Variants in WDFY3 observed in about 807,000 individuals in gnomAD.
WDFY3 encodes the protein WD repeat and FYVE domain-containing protein 3.
WDFY3 carries 66 observed loss-of-function variants against 409.6 expected under a neutral mutation model. The observed-to-expected ratio is 0.16, with a 90% CI of 0.13 to 0.20. The LOEUF (loss-of-function observed/expected upper bound fraction) is 0.20, where lower values mean the gene tolerates loss of function less well. Among genes scored for constraint, WDFY3 ranks in the 10% least tolerant of loss-of-function variants. The probability of loss-of-function intolerance (pLI) is 1.00; values close to 1 mark genes in which losing one functional copy is unlikely to be tolerated. For synonymous variants in WDFY3, 1,521 were observed against 1,537.1 expected, an observed-to-expected ratio of 0.99 and a Z score of 0.25; for missense variants, 3,031 against 4,298.1, an observed-to-expected ratio of 0.71 and a Z score of 8.24.
At chr4:84,715,631 C>T (rs541439926) in intron 49 of WDFY3, among the ~76,000 whole-genome samples, 3 of 151,554 alleles carry the variant, frequency 2.0e-5, no homozygotes, top group African/African-American at 4.8e-5. Context: ...AAAAATTAGC[C>T]GGCCTTGGTG....
intron 64 of WDFY3, among the ~76,000 whole-genome samples, chr4:84,680,206 C>T (rs1216093085): frequency 6.6e-6 from 1 of 152,086 alleles, no homozygotes; most frequent in Non-Finnish European, 1.5e-5. Flanking sequence ...GATATTCTTT[C>T]TACAAGATGG....
intron 17 of WDFY3, among the ~76,000 whole-genome samples, chr4:84,800,390 C>T (rs747519569): frequency 3.3e-5 from 5 of 152,132 alleles, no homozygotes; most frequent in Non-Finnish European, 7.4e-5. Context: ...AAGCAGGAGG[C>T]TTCCTGGAGG....
chr4:84,821,313 G>T lies in WDFY3; in HGVS notation c.1362C>A (p.Ser454Arg). ...GTTCTTTACAAGGTATATAATTTAA[G>T]CTAAAAACAACAAACTCCAGCATCT... is the stretch of plus-strand genomic sequence containing the variant. ...YFEMLEFVVF[S>R]LNYIPCKELI... Residue 454 changes from serine (S) to arginine (R), a missense_variant, in exon 11 of 68, where the codon AGC becomes AGA. Coordinates refer to ENST00000295888, the MANE Select transcript of WDFY3 (RefSeq NM_014991.6). 6.2e-7 allele frequency: 1 copy of T among 1,613,676 alleles called. No individual in the cohort carries two copies. The highest frequency in any genetic ancestry group is 1.7e-4 in the Middle Eastern group (1 of 6,058).
intron 1 of WDFY3, among the ~76,000 whole-genome samples, chr4:84,945,383 A>G (rs908196419): frequency 2.0e-5 from 3 of 152,218 alleles, no homozygotes; most frequent in African/African-American, 7.2e-5. Flanking sequence ...GCTTTTCACT[A>G]TAAGAAACAC....
At chr4:84,737,491 A>C in intron 40 of WDFY3, 125 bp from the exon 41 acceptor site, 1 of 1,154,100 alleles carries the variant, frequency 8.7e-7, no homozygotes, top group Non-Finnish European at 1.1e-6. Context: ...AATGTAAAAA[A>C]AACAAAGCTC....
chr4:84,778,718 CAA>C lies in WDFY3; in HGVS notation c.4366-65_4366-64del. 6.0e-6 allele frequency: 9 copies of C among 1,509,228 alleles called. No individual in the cohort carries two copies. In the African/African-American group the frequency reaches 6.9e-5, roughly 12 times the overall value. The allele number at this position is 1,509,228 out of a possible 1,614,324, so 93.5% of individuals were successfully genotyped here. A position where few individuals can be genotyped will look rare whatever the true frequency, so the allele number is the denominator to read the frequency against. Reference sequence around the variant, plus strand: ...ATCATATATATTCATTACACACACACAAACACACACATACACACACAAACACA... The same window carrying C: ...ATCATATATATTCATTACACACACACACACACACATACACACACAAACACA... On this transcript the variant is annotated intron_variant, in intron 26 of 67. Transcript: ENST00000295888.
intron 34 of WDFY3, among the ~76,000 whole-genome samples, 174 bp from the exon 35 acceptor site, chr4:84,754,050 A>G (rs1273542845): frequency 2.0e-5 from 3 of 152,190 alleles, no homozygotes; most frequent in African/African-American, 7.2e-5. Flanking sequence ...AAAGAAATTT[A>G]GAAACTAGCT....
chr4:84,763,220 G>A (rs937705080), intron 32 of WDFY3, among the ~76,000 whole-genome samples: 2 of 152,116 alleles, frequency 1.3e-5, no homozygotes, highest in African/African-American at 2.4e-5. Flanking sequence ...ATGAGTTCAT[G>A]TCCTTTGCAG....
chr4:84,794,962 C>G lies in WDFY3; in HGVS notation c.3185G>C (p.Ser1062Thr). ...LEGFGCLFLP[S>T]LAPHNAPTNN... ...TGTAGGAGCATTATGAGGGGCCAAA[C>G]TGGGCAAAAAAAGACATCTATTAAA... Residue 1062 changes from serine (S) to threonine (T), a missense_variant, in exon 20 of 68, where the codon AGT (serine) becomes ACT (threonine). Transcript: ENST00000295888. 3 of 1,560,474 alleles carry G rather than the reference C, an allele frequency of 1.9e-6. No individual in the cohort carries two copies. The African/African-American group carries it at 4.1e-5, about 22-fold the overall frequency.
In WDFY3 at chr4:84,797,659, C is replaced by A. The variant is rs188983933; in HGVS notation, c.2935+337G>T. On this transcript the variant is annotated intron_variant, in intron 18 of 67. Transcript: ENST00000295888. The stretch of plus-strand genomic sequence containing the variant: ...GCAGTGGCGCGATCTCGGCTCACTG[C>A]AAGCTCTGCCTCCCGGGTTCACGCC... Among the ~76,000 whole-genome samples the A allele has an allele frequency of 2.2e-3, 341 of 152,038 alleles. 1 individual carries two copies. The highest frequency in any genetic ancestry group is 7.9e-3 in the African/African-American group (329 of 41,478).
chr4:84,693,172 G>A, intron 58 of WDFY3, 140 bp from the exon 59 acceptor site: 1 of 912,314 alleles, frequency 1.1e-6, no homozygotes, highest in Non-Finnish European at 1.6e-6. Flanking sequence ...TTACACCCGA[G>A]GAAAGAGATT....
chr4:84,794,853 A>G, intron 20 of WDFY3, 26 bp downstream of exon 20: 1 of 1,550,880 alleles, frequency 6.4e-7, no homozygotes, highest in Non-Finnish European at 8.6e-7. Flanking sequence ...AAAAAAACTC[A>G]TAAGCAGAAA....
rs958122060 is a variant in WDFY3, at chr4:84,961,623, T to C, written c.-226+4586A>G. On this transcript the variant is annotated intron_variant, in intron 1 of 67. Coordinates refer to ENST00000295888, the MANE Select transcript of WDFY3 (RefSeq NM_014991.6). ...CAGCCTTTAAAGGCTGCAGCCTTCA[T>C]AGTGAGATCATAACTGATGCCCAAG... 7.9e-5 allele frequency among the ~76,000 whole-genome samples: 12 copies of C among 152,164 alleles called. No individual in the cohort carries two copies. The South Asian group carries it at 8.3e-4, about 11-fold the overall frequency.
rs572099903 is a variant in WDFY3 at position 84,923,012 on chromosome 4, T to G, written c.-132+9258A>C. Among the ~76,000 whole-genome samples, 171 of 152,330 alleles carry G rather than the reference T, an allele frequency of 1.1e-3. 2 individuals are homozygous for G. Among genetic ancestry groups the G allele is most frequent in the African/African-American group, 3.8e-3 (160 of 41,592 alleles). On this transcript the variant is annotated intron_variant, in intron 2 of 67. Coordinates refer to ENST00000295888, the MANE Select transcript of WDFY3 (RefSeq NM_014991.6). The stretch of plus-strand genomic sequence containing the variant: ...CAGCTGGGACACATGCTGTGAGATC[T>G]TTGAACTTAGAAAAGCAGTTAGCCT...
At chr4:84,905,576 AC>A (rs1766936340) in intron 2 of WDFY3, among the ~76,000 whole-genome samples, 1 of 152,108 alleles carries the variant, frequency 6.6e-6, no homozygotes, top group African/African-American at 2.4e-5. Context: ...CACCTGAACT[AC>A]TATAATGGTC....
intron 44 of WDFY3, among the ~76,000 whole-genome samples, chr4:84,731,769 T>A (rs1246752649): frequency 1.3e-5 from 2 of 152,188 alleles, no homozygotes; most frequent in Non-Finnish European, 2.9e-5. Context: ...ATGACATTAT[T>A]ATAAGGAAGG....
At chr4:84,937,269 C>A (rs550020046) in intron 1 of WDFY3, among the ~76,000 whole-genome samples, 7 of 152,212 alleles carry the variant, frequency 4.6e-5, no homozygotes, top group African/African-American at 1.4e-4. Context: ...CATGACATAT[C>A]ACATGCTGAT....
intron 30 of WDFY3, among the ~76,000 whole-genome samples, chr4:84,766,865 C>T (rs1214983990): frequency 6.6e-6 from 1 of 152,120 alleles, no homozygotes; most frequent in East Asian, 1.9e-4. Flanking sequence ...GGCGCACAAA[C>T]GCATAAAGGA....
intron 7 of WDFY3, among the ~76,000 whole-genome samples, chr4:84,833,398 A>C (rs1055973480): frequency 6.6e-6 from 1 of 152,172 alleles, no homozygotes; most frequent in Non-Finnish European, 1.5e-5. Context: ...AATAGCAGCC[A>C]GGTGTGGTGG....
Sources: allele counts gnomAD v4.1 joint callset (sites outside exome capture counted in the v4.1 genomes callset), GRCh38; gene constraint gnomAD v4.1.1; transcripts MANE v1.5; gene names NCBI Gene and HGNC (gene_info 2026-07-23, HGNC 2026-07-21).